MSI2: variants seen among roughly 807,000 people sequenced by gnomAD.
MSI2 encodes the protein musashi RNA binding protein 2.
In MSI2, 17 loss-of-function variants were observed where a neutral mutation model predicts 45.6. The observed-to-expected ratio is 0.37, with a 90% CI of 0.26 to 0.56. The LOEUF is 0.56. Among genes scored for constraint, MSI2 ranks in the 20% least tolerant of loss-of-function variants. The probability of loss-of-function intolerance (pLI) is 0.77; values close to 1 mark genes in which losing one functional copy is unlikely to be tolerated. For missense variants in MSI2, 293 were observed against 444.2 expected (o/e 0.66, Z 3.06); for synonymous variants, 156 against 158.2 (o/e 0.99, Z 0.11).
intron 6 of MSI2, among the ~76,000 whole-genome samples, chr17:57,438,186 A>G (rs1360515256): frequency 6.6e-6 from 1 of 152,092 alleles, no homozygotes; most frequent in African/African-American, 2.4e-5. Context: ...CTGGCTGGGG[A>G]CGTGCCCAGA....
chr17:57,575,588 T>TC (rs1295867405), intron 7 of MSI2, among the ~76,000 whole-genome samples: 1 of 152,056 alleles, frequency 6.6e-6, no homozygotes, highest in Non-Finnish European at 1.5e-5. Flanking sequence ...GTCCTCTTAC[T>TC]CCCCTGCACC....
At chr17:57,294,909 A>T (rs1015484333) in intron 5 of MSI2, 2 of 152,340 alleles carry the variant, frequency 1.3e-5, no homozygotes, top group African/African-American at 4.8e-5. Context: ...GGTTACAGAG[A>T]TGAGGGAAGG....
chr17:57,556,654 A>C (rs182588367), intron 7 of MSI2, among the ~76,000 whole-genome samples: 4 of 152,322 alleles, frequency 2.6e-5, no homozygotes, highest in Admixed American at 6.5e-5. Context: ...CTTTGCCATT[A>C]AGTGAGTTTA....
At chr17:57,384,473 T>G (rs906829114) in intron 5 of MSI2, among the ~76,000 whole-genome samples, 7 of 152,202 alleles carry the variant, frequency 4.6e-5, no homozygotes, top group African/African-American at 1.7e-4. Flanking sequence ...CAAGTGTAAG[T>G]GTTCTAGTGA....
chr17:57,506,044 A>AATACTCATCTTATCTCCACACTT (rs2086221020), intron 6 of MSI2, among the ~76,000 whole-genome samples: 2 of 152,204 alleles, frequency 1.3e-5, no homozygotes, highest in Non-Finnish European at 2.9e-5. Flanking sequence ...ATCATAATGT[A>AATACTCATCTTATCTCCACACTT]ATACTCATCT....
chr17:57,701,329 G>A, the MSI2 span, among the ~76,000 whole-genome samples: 7 of 152,188 alleles, frequency 4.6e-5, no homozygotes, highest in African/African-American at 1.7e-4. Context: ...CAATTTGATG[G>A]TATACGAAGG....
chr17:57,323,840 C>T (rs1045008777), intron 5 of MSI2, among the ~76,000 whole-genome samples: 3 of 152,206 alleles, frequency 2.0e-5, no homozygotes, highest in South Asian at 2.1e-4. Flanking sequence ...ATTTCTTGCA[C>T]GAACTCATTA....
At chr17:57,460,905 A>T (rs1205120408) in intron 6 of MSI2, among the ~76,000 whole-genome samples, 1 of 152,040 alleles carries the variant, frequency 6.6e-6, no homozygotes, top group African/African-American at 2.4e-5. Flanking sequence ...GCCAAAGGAG[A>T]GACGTGAGGC....
intron 6 of MSI2, among the ~76,000 whole-genome samples, chr17:57,509,064 A>G (rs1012888245): frequency 1.3e-5 from 2 of 152,218 alleles, no homozygotes; most frequent in African/African-American, 4.8e-5. Context: ...CCATCTTCCC[A>G]GTCTGAGAGA....
chr17:57,419,102 C>T (rs2084347969), intron 6 of MSI2, among the ~76,000 whole-genome samples: 1 of 151,924 alleles, frequency 6.6e-6, no homozygotes, highest in African/African-American at 2.4e-5. Flanking sequence ...TAAATTGATG[C>T]CTTGATTTCT....
At chr17:57,548,415 A>G (rs867369266) in intron 7 of MSI2, among the ~76,000 whole-genome samples, 1 of 152,118 alleles carries the variant, frequency 6.6e-6, no homozygotes, top group Non-Finnish European at 1.5e-5. Flanking sequence ...CTTCCTTTCA[A>G]TTTGTCAAGC....
intron 6 of MSI2, among the ~76,000 whole-genome samples, chr17:57,431,750 T>C (rs2084598151): frequency 6.6e-6 from 1 of 152,208 alleles, no homozygotes; most frequent in African/African-American, 2.4e-5. Context: ...ATAGGCCCCA[T>C]CAGGGTGGGC....
chr17:57,685,916 G>T (rs895917858), downstream of MSI2, among the ~76,000 whole-genome samples: 1 of 152,222 alleles, frequency 6.6e-6, no homozygotes, highest in Admixed American at 6.5e-5. Context: ...CTCAGAGAAA[G>T]GGGAGGCCCA....
chr17:57,483,313 T>C (rs2085685560), intron 6 of MSI2, among the ~76,000 whole-genome samples: 2 of 151,702 alleles, frequency 1.3e-5, no homozygotes, highest in South Asian at 4.2e-4. Flanking sequence ...ACACAGAGAG[T>C]TAAGCTAAGG....
intron 5 of MSI2, among the ~76,000 whole-genome samples, chr17:57,349,816 T>A (rs792391): frequency 0.013 from 2,038 of 152,324 alleles, 44 homozygotes; most frequent in African/African-American, 0.046. Context: ...CACTTCAAAA[T>A]TTTTTCTCCT....
chr17:57,662,347 A>G (rs1912052640), intron 11 of MSI2, among the ~76,000 whole-genome samples: 1 of 152,196 alleles, frequency 6.6e-6, no homozygotes, highest in South Asian at 2.1e-4. Context: ...CTAGAGACAC[A>G]TCCTAGTCAA....
chr17:57,347,006 C>G (rs946376095), intron 5 of MSI2, among the ~76,000 whole-genome samples: 4 of 152,168 alleles, frequency 2.6e-5, no homozygotes, highest in African/African-American at 9.7e-5. Context: ...TACATTTACT[C>G]TGGTTATCTT....
chr17:57,504,358 C>T (rs527691903), intron 6 of MSI2, among the ~76,000 whole-genome samples: 1 of 152,320 alleles, frequency 6.6e-6, no homozygotes, highest in South Asian at 2.1e-4. Flanking sequence ...AGTCATGTTC[C>T]TCCTAAGTAA....
At chr17:57,555,726 A>G (rs2087419144) in intron 7 of MSI2, among the ~76,000 whole-genome samples, 1 of 152,182 alleles carries the variant, frequency 6.6e-6, no homozygotes, top group South Asian at 2.1e-4. Flanking sequence ...GGGACATAAT[A>G]GGTACTTGGT....
Sources: allele counts gnomAD v4.1 joint callset (sites outside exome capture counted in the v4.1 genomes callset), GRCh38; gene constraint gnomAD v4.1.1; transcripts MANE v1.5; gene names NCBI Gene and HGNC (gene_info 2026-07-23, HGNC 2026-07-21).